Variants in PCDHGA4 observed in about 807,000 individuals in gnomAD.
PCDHGA4 encodes protocadherin gamma subfamily A, 4.
In PCDHGA4, 38 loss-of-function variants were observed where a neutral mutation model predicts 54.6. That is an observed-to-expected ratio of 0.70 (90% CI 0.54 to 0.91). The LOEUF (loss-of-function observed/expected upper bound fraction) is 0.91. PCDHGA4 is among the 40% of genes least tolerant of loss of function. The pLI, the probability that PCDHGA4 is intolerant of heterozygous loss-of-function variation, is 0.00. For missense variants in PCDHGA4, 1,298 were observed against 1,220.9 expected (o/e 1.06, Z -0.94); for synonymous variants, 511 against 512.9 (o/e 1.00, Z 0.05).
intron 1 of PCDHGA4, chr5:141,362,239 CTCT>C (rs1588573433): frequency 1.2e-6 from 2 of 1,614,060 alleles, no homozygotes; most frequent in East Asian, 2.2e-5. Flanking sequence ...GATCTCAGTG[CTCT>C]TCTTCCTCGC....
chr5:141,462,471 C>T (rs1464947091), intron 1 of PCDHGA4, among the ~76,000 whole-genome samples: 1 of 152,020 alleles, frequency 6.6e-6, no homozygotes, highest in East Asian at 1.9e-4. Context: ...GTGTATTCTG[C>T]TTCTCGTGGT....
chr5:141,510,472 G>A (rs1209464436), intron 3 of PCDHGA4, among the ~76,000 whole-genome samples: 7 of 152,102 alleles, frequency 4.6e-5, no homozygotes, highest in Non-Finnish European at 1.0e-4. Context: ...GGAGTCAGAG[G>A]CTCCCTTGAG....
chr5:141,366,285 C>T (rs1764466152), intron 1 of PCDHGA4: 4 of 1,613,710 alleles, frequency 2.5e-6, no homozygotes, highest in East Asian at 2.2e-5. Flanking sequence ...CATGGCCAGC[C>T]CCCTCTGTCA....
chr5:141,509,144 G>C (rs969990007), intron 3 of PCDHGA4, among the ~76,000 whole-genome samples: 14 of 152,114 alleles, frequency 9.2e-5, no homozygotes, highest in Admixed American at 2.0e-4. Context: ...GGCGCATCCC[G>C]GCTCTCCCCT....
rs569220332 is a variant in PCDHGA4, at chr5:141,475,688, A to G, written c.2515-19119A>G. 2.0e-5 allele frequency among the ~76,000 whole-genome samples: 3 copies of G among 152,330 alleles called. No homozygotes were observed. In the South Asian group the frequency reaches 6.2e-4, roughly 32 times the overall value. On this transcript the variant is annotated intron_variant, in intron 1 of 3. Coordinates refer to ENST00000571252, the MANE Select transcript of PCDHGA4 (RefSeq NM_018917.4). ...TTTAATGAGTCTTGATTTGGATTGG[A>G]GACTTGCAGAACGGCTAGCCTCACA...
chr5:141,421,365 G>A (rs1189449968), intron 1 of PCDHGA4: 2 of 1,614,026 alleles, frequency 1.2e-6, no homozygotes, highest in South Asian at 1.1e-5. Flanking sequence ...GCTCCTTCGT[G>A]GGCAATATCT....
chr5:141,458,409 G>C (rs188300064), intron 1 of PCDHGA4, among the ~76,000 whole-genome samples: 1 of 152,244 alleles, frequency 6.6e-6, no homozygotes, highest in African/African-American at 2.4e-5. Context: ...GAGACGGAGC[G>C]GGGGTTCCAA....
Position 141,491,608 on chromosome 5 carries a change from C to T in PCDHGA4, c.2515-3199C>T. On this transcript the variant is annotated intron_variant, in intron 1 of 3. Transcript: ENST00000571252. This position sits in a 1 kb window ranked among gnomAD's most constrained non-coding sequence, Gnocchi z 6.9. Reference sequence around the variant, plus strand: ...CTCGGACGGCAGTGACTTCACTTTTCTAAGACCCCTCAGCGTTCAGCAGCC... The same window carrying T: ...CTCGGACGGCAGTGACTTCACTTTTTTAAGACCCCTCAGCGTTCAGCAGCC... 6.2e-7 allele frequency: 1 copy of T among 1,613,942 alleles called. No individual in the cohort carries two copies. The highest frequency in any genetic ancestry group is 1.1e-5 in the South Asian group (1 of 91,086).
In PCDHGA4 at chr5:141,441,804, C is replaced by CAT. The variant is rs1189673284; in HGVS notation, c.2515-53003_2515-53002insAT. The CAT allele has an allele frequency of 6.5e-4, 249 of 382,482 alleles. 2 individuals are homozygous for CAT. Among genetic ancestry groups the CAT allele is most frequent in the African/African-American group, 4.8e-3 (221 of 45,888 alleles). 23.7% of individuals were successfully genotyped at this position (382,482 alleles called of 1,614,324 possible). The stretch of plus-strand genomic sequence containing the variant: ...CCTGAATGACAACGCACCGCGGGTG[C>CAT]TGTACCCCAGCTCTGGAGCGCAATG... On this transcript the variant is annotated intron_variant, in intron 1 of 3. Transcript: ENST00000571252.
Position 141,388,463 on chromosome 5 carries a change from G to A in PCDHGA4, c.2514+30842G>A, listed in dbSNP as rs367941349. Reference sequence around the variant, plus strand: ...AATCAGATGGCAGTAAATACCCTGAGATGGTATTGAAGACACCTTTGGACA... The same window carrying A: ...AATCAGATGGCAGTAAATACCCTGAAATGGTATTGAAGACACCTTTGGACA... On this transcript the variant is annotated intron_variant, in intron 1 of 3. Coordinates refer to ENST00000571252, the MANE Select transcript of PCDHGA4 (RefSeq NM_018917.4). 143 of 1,613,666 alleles carry A rather than the reference G, an allele frequency of 8.9e-5. 2 individuals are homozygous for A. The highest frequency in any genetic ancestry group is 1.3e-5 in the Non-Finnish European group (15 of 1,179,854).
chr5:141,421,309 C>T (rs781110850), intron 1 of PCDHGA4: 9 of 1,613,516 alleles, frequency 5.6e-6, no homozygotes, highest in Admixed American at 1.7e-5. Context: ...GCGGGGGTTC[C>T]GGGCCAGGCA....
Position 141,475,971 on chromosome 5 carries a change from C to G in PCDHGA4, c.2515-18836C>G, listed in dbSNP as rs750016455. On this transcript the variant is annotated intron_variant, in intron 1 of 3. Coordinates refer to ENST00000571252, the MANE Select transcript of PCDHGA4 (RefSeq NM_018917.4). The stretch of plus-strand genomic sequence containing the variant: ...TCTGCGCCCCGGGATGAGGCAGAGA[C>G]TGAACAGCCGGCGAGCAAATCAACG... 2.5e-5 allele frequency: 24 copies of G among 954,292 alleles called. No individual in the cohort carries two copies. In the African/African-American group the frequency reaches 3.4e-4, roughly 14 times the overall value. 59.1% of individuals were successfully genotyped at this position (954,292 alleles called of 1,614,324 possible). A position where few individuals can be genotyped will look rare whatever the true frequency, so the allele number is the denominator to read the frequency against.
In PCDHGA4 at chr5:141,432,091, C is replaced by A. The variant is rs370491149; in HGVS notation, c.2515-62716C>A. ...CTCATATCTCGCTGAACGTGGCAGA[C>A]ACCAACGACAACCCGCCGGTCTTCC... On this transcript the variant is annotated intron_variant, in intron 1 of 3. Coordinates refer to ENST00000571252, the MANE Select transcript of PCDHGA4 (RefSeq NM_018917.4). This position sits in a 1 kb window ranked among gnomAD's most constrained non-coding sequence, Gnocchi z 6.0. 6.2e-7 allele frequency: 1 copy of A among 1,614,056 alleles called. No individual in the cohort carries two copies. Among genetic ancestry groups the A allele is most frequent in the African/African-American group, 1.3e-5 (1 of 74,908 alleles).
chr5:141,417,768 C>A lies in PCDHGA4; in HGVS notation c.2514+60147C>A, dbSNP rs1444250512. On this transcript the variant is annotated intron_variant, in intron 1 of 3. Coordinates refer to ENST00000571252, the MANE Select transcript of PCDHGA4 (RefSeq NM_018917.4). ...ATTGCCAGCTCCGAGACCCGGGACT[C>A]CTCCTGTCCTGGGCCGAATGCTCTT... is the stretch of plus-strand genomic sequence containing the variant. 1.3e-5 allele frequency: 19 copies of A among 1,451,358 alleles called. No individual in the cohort carries two copies. In the South Asian group the frequency reaches 1.7e-4, roughly 13 times the overall value. The allele number at this position is 1,451,358 out of a possible 1,614,324, so 89.9% of individuals were successfully genotyped here. A position where few individuals can be genotyped will look rare whatever the true frequency, so the allele number is the denominator to read the frequency against.
Position 141,490,575 on chromosome 5 carries a change from A to G in PCDHGA4, c.2515-4232A>G. 2 of 1,614,140 alleles carry G rather than the reference A, an allele frequency of 1.2e-6. No individual in the cohort carries two copies. The highest frequency in any genetic ancestry group is 2.2e-5 in the East Asian group (1 of 44,876). Reference sequence around the variant, plus strand: ...ATCTCACCATCAGGCTCAACATTTCAGATGTCAATGACAATGCACCCCGCT... The same window carrying G: ...ATCTCACCATCAGGCTCAACATTTCGGATGTCAATGACAATGCACCCCGCT... On this transcript the variant is annotated intron_variant, in intron 1 of 3. Transcript: ENST00000571252. This position sits in a 1 kb window ranked among gnomAD's most constrained non-coding sequence, Gnocchi z 5.4.
At chr5:141,421,281 C>T in intron 1 of PCDHGA4, 2 of 1,612,970 alleles carry the variant, frequency 1.2e-6, no homozygotes, top group South Asian at 2.2e-5. Flanking sequence ...TGCTGCTGTG[C>T]ATTTTCCTGG....
intron 1 of PCDHGA4, chr5:141,389,801 C>T: frequency 6.2e-7 from 1 of 1,613,766 alleles, no homozygotes; most frequent in South Asian, 1.1e-5. Context: ...TCCGCCAGCG[C>T]CTTCTGGTCG....
chr5:141,505,704 G>A (rs770933428), intron 3 of PCDHGA4, among the ~76,000 whole-genome samples: 1 of 152,184 alleles, frequency 6.6e-6, no homozygotes, highest in Non-Finnish European at 1.5e-5. Context: ...GAGCGAACAA[G>A]GAAAAGACTC....
intron 2 of PCDHGA4, among the ~76,000 whole-genome samples, chr5:141,503,275 C>T (rs1466636672): frequency 1.3e-5 from 2 of 152,108 alleles, no homozygotes; most frequent in Non-Finnish European, 2.9e-5. Context: ...GCACCTGGCT[C>T]TGTGTCTGGT....
Sources: gnomAD v4.1 joint callset for allele counts (sites outside exome capture counted in the v4.1 genomes callset) on GRCh38, gnomAD v4.1.1 for gene constraint, Gnocchi (gnomAD v3.1) non-coding constraint, MANE v1.5 for transcripts, NCBI Gene and HGNC (gene_info 2026-07-23, HGNC 2026-07-21) for gene names.